Variants in EIF3A observed in about 807,000 individuals in gnomAD.
EIF3A encodes the protein eukaryotic translation initiation factor 3 subunit A, also known as EIF3, p180 subunit.
A neutral mutation model predicts 186.6 loss-of-function variants in EIF3A; 21 were observed. That is an observed-to-expected ratio of 0.11 (90% CI 0.08 to 0.16). The LOEUF (loss-of-function observed/expected upper bound fraction) is 0.16. Among genes scored for constraint, EIF3A ranks in the 10% least tolerant of loss-of-function variants. EIF3A has a pLI of 1.00. For synonymous variants in EIF3A, 563 were observed against 584.3 expected (o/e 0.96, Z 0.52); for missense variants, 1,306 against 1,796.3 (o/e 0.73, Z 4.93).
chr10:119,080,765 C>T lies in EIF3A; in HGVS notation c.-89G>A. 2 of 1,501,262 alleles carry T rather than the reference C, an allele frequency of 1.3e-6. No individual in the cohort carries two copies. Among genetic ancestry groups the T allele is most frequent in the Non-Finnish European group, 1.8e-6 (2 of 1,122,902 alleles). 93.0% of individuals were successfully genotyped at this position (1,501,262 alleles called of 1,614,324 possible). ...AGACGAAGGGGAACCAGCGTAAGGT[C>T]CCACGCGCCTCGCCAGCAGTCGCCC... On this transcript the variant is annotated 5_prime_UTR_variant, in exon 1 of 22. Transcript: ENST00000369144.
chr10:119,065,688 T>C lies in EIF3A; in HGVS notation c.951-118A>G. 2 of 689,698 alleles carry C rather than the reference T, an allele frequency of 2.9e-6. 1 individual carries two copies. Among genetic ancestry groups the C allele is most frequent in the South Asian group, 3.6e-5 (2 of 55,992 alleles). 42.7% of individuals were successfully genotyped at this position (689,698 alleles called of 1,614,324 possible). On this transcript the variant is annotated intron_variant, in intron 6 of 21. Transcript: ENST00000369144. ...TAGTGACAGAACGTGTACATCACCATGGTGCACTATACTCATAAATATTAT... is the reference window on the plus strand; with the variant it reads ...TAGTGACAGAACGTGTACATCACCACGGTGCACTATACTCATAAATATTAT...
rs773381487 is a variant in EIF3A, at chr10:119,051,339, G to A, written c.2197-18C>T. ...GTAGTAATCTGCAAGTACAAATATT[G>A]TGAAATTTCAATGCACTTTTTTTTT... On this transcript the variant is annotated intron_variant, in intron 14 of 21. Transcript: ENST00000369144. 6.4e-7 allele frequency: 1 copy of A among 1,553,522 alleles called. No homozygotes were observed. Among genetic ancestry groups the A allele is most frequent in the Non-Finnish European group, 8.6e-7 (1 of 1,156,138 alleles).
chr10:119,073,144 T>A, intron 3 of EIF3A, 91 bp from the exon 4 acceptor site: 1 of 1,268,230 alleles, frequency 7.9e-7, no homozygotes, highest in Non-Finnish European at 1.1e-6. Context: ...CAGAAAACAG[T>A]GCAAATTCTT....
intron 6 of EIF3A, among the ~76,000 whole-genome samples, chr10:119,066,975 G>A (rs1382958090): frequency 6.6e-6 from 1 of 152,012 alleles, no homozygotes; most frequent in Non-Finnish European, 1.5e-5. Context: ...CACTTTGGGA[G>A]GCCGAGGCAG....
At chr10:119,077,587 C>T (rs1269203223) in intron 1 of EIF3A, among the ~76,000 whole-genome samples, 1 of 149,006 alleles carries the variant, frequency 6.7e-6, no homozygotes, top group East Asian at 2.0e-4. Flanking sequence ...AGGAGTCTCG[C>T]TCTGTCACCC....
At chr10:119,068,783 G>A (rs10886377) in intron 6 of EIF3A, among the ~76,000 whole-genome samples, 3 of 151,620 alleles carry the variant, frequency 2.0e-5, no homozygotes, top group Non-Finnish European at 4.4e-5. Flanking sequence ...GACCAGCCTG[G>A]CCAATATGGT....
At chr10:119,049,021 C>G (rs1308684847) in intron 17 of EIF3A, among the ~76,000 whole-genome samples, 1 of 152,194 alleles carries the variant, frequency 6.6e-6, no homozygotes, top group East Asian at 1.9e-4. Context: ...GTAGCAAACT[C>G]AGCAGTGCTA....
rs1240022205 is a variant in EIF3A, at chr10:119,080,681, G to A, written c.-5C>T. ...CCTCTGAAAATAGGCCGGCATCTTGGCGGCAGGCTCAGCTCACCCGGCGTC... is the reference window on the plus strand; with the variant it reads ...CCTCTGAAAATAGGCCGGCATCTTGACGGCAGGCTCAGCTCACCCGGCGTC... On this transcript the variant is annotated 5_prime_UTR_variant, in exon 1 of 22. Transcript: ENST00000369144. 2 of 1,593,790 alleles carry A rather than the reference G, an allele frequency of 1.3e-6. No individual in the cohort carries two copies. The highest frequency in any genetic ancestry group is 8.5e-7 in the Non-Finnish European group (1 of 1,171,500).
At chr10:119,055,782 T>C (rs1378662451) in intron 14 of EIF3A, among the ~76,000 whole-genome samples, 1 of 152,162 alleles carries the variant, frequency 6.6e-6, no homozygotes, top group African/African-American at 2.4e-5. Context: ...ACAAACACCA[T>C]GGTTTAATTT....
chr10:119,072,427 ATTTTGGTTTT>A, intron 4 of EIF3A, among the ~76,000 whole-genome samples: 1 of 110,554 alleles, frequency 9.0e-6, no homozygotes, highest in Non-Finnish European at 1.9e-5. Context: ...TTACTCAGTC[ATTTTGGTTTT>A]GTTTTGTTTT....
chr10:119,065,920 T>C (rs375092201), intron 6 of EIF3A, among the ~76,000 whole-genome samples: 11 of 151,010 alleles, frequency 7.3e-5, no homozygotes, highest in Non-Finnish European at 1.0e-4. Context: ...ATCGAGACCA[T>C]CCTGGCTAAC....
chr10:119,056,200 T>A (rs560716897), intron 14 of EIF3A, among the ~76,000 whole-genome samples: 18 of 152,300 alleles, frequency 1.2e-4, no homozygotes, highest in Non-Finnish European at 1.8e-4. Context: ...ATTAGGTAAA[T>A]ATAAAATATA....
chr10:119,059,479 G>T, intron 10 of EIF3A, 82 bp from the exon 11 acceptor site: 2 of 1,297,692 alleles, frequency 1.5e-6, no homozygotes, highest in Non-Finnish European at 2.2e-6. Flanking sequence ...ATATACAAAA[G>T]CTGGAAAAGT....
chr10:119,079,122 T>G (rs1844221819), intron 1 of EIF3A, among the ~76,000 whole-genome samples: 2 of 152,226 alleles, frequency 1.3e-5, no homozygotes, highest in Admixed American at 1.3e-4. Context: ...AAGTTCCATT[T>G]CAATCTCTTC....
Position 119,035,049 on chromosome 10 carries a change from G to T in EIF3A, c.*990C>A, listed in dbSNP as rs1337526375. The T allele has an allele frequency of 2.0e-5, 3 of 152,518 alleles. No individual in the cohort carries two copies. The highest frequency in any genetic ancestry group is 4.8e-5 in the African/African-American group (2 of 41,402). The allele number at this position is 152,518 out of a possible 1,614,324, so 9.4% of individuals were successfully genotyped here. On this transcript the variant is annotated 3_prime_UTR_variant, in exon 22 of 22. Transcript: ENST00000369144. The stretch of plus-strand genomic sequence containing the variant: ...ACAAATCAACACTAAAACAAATTCT[G>T]TAAGTATTTTATTTATCACTGAAGA...
rs1848220597 is a variant in EIF3A at position 119,042,351 on chromosome 10, G to C, written c.3169C>G (p.Arg1057Gly). 6.2e-7 allele frequency: 1 copy of C among 1,612,042 alleles called. No individual in the cohort carries two copies. Among genetic ancestry groups the C allele is most frequent in the Admixed American group, 1.7e-5 (1 of 59,796 alleles). Residue 1057 changes from arginine (R) to glycine (G), a missense_variant, in exon 19 of 22, where the codon CGA (arginine) becomes GGA (glycine). Physicochemically the swap from Arg to Gly is moderately radical, Grantham distance 125. Coordinates refer to ENST00000369144, the MANE Select transcript of EIF3A (RefSeq NM_003750.4). This position sits in a 1 kb window ranked among gnomAD's most constrained non-coding sequence, Gnocchi z 7.8. Reference protein sequence around the residue: ...GPRRGGADDERSSWRNADDDR... With the variant: ...GPRRGGADDEGSSWRNADDDR... ...TCATCAGCATTACGCCAGGATGATCGCTCATCATCAGCGCCTCCTCGCCTC... is the reference window on the plus strand; with the variant it reads ...TCATCAGCATTACGCCAGGATGATCCCTCATCATCAGCGCCTCCTCGCCTC...
At position 119,037,312 on chromosome 10, in the gene EIF3A, G is replaced by A; in HGVS notation, c.3729-3C>T. 2 of 1,613,484 alleles carry A rather than the reference G, an allele frequency of 1.2e-6. No individual in the cohort carries two copies. The highest frequency in any genetic ancestry group is 2.2e-5 in the East Asian group (1 of 44,866). On this transcript the variant is annotated splice_polypyrimidine_tract_variant and splice_region_variant and intron_variant, in intron 20 of 21. Transcript: ENST00000369144. ...CTCTTCTCCAGCCACCTTCATCCCT[G>A]TAGCCATTTACAATGACAGGTCAGG... is the stretch of plus-strand genomic sequence containing the variant.
chr10:119,064,705 T>C (rs1843944038), intron 7 of EIF3A, among the ~76,000 whole-genome samples: 1 of 152,104 alleles, frequency 6.6e-6, no homozygotes, highest in African/African-American at 2.4e-5. Flanking sequence ...TGTCAGGTAC[T>C]TCTTTTTTGT....
At chr10:119,072,709 C>G (rs1844098282) in intron 4 of EIF3A, among the ~76,000 whole-genome samples, 181 bp downstream of exon 4, 2 of 152,370 alleles carry the variant, frequency 1.3e-5, no homozygotes, top group Admixed American at 1.3e-4. Context: ...CCCACCTTGA[C>G]CTCCCAAAGT....
Sources: allele counts gnomAD v4.1 joint callset (sites outside exome capture counted in the v4.1 genomes callset), GRCh38; gene constraint gnomAD v4.1.1; non-coding constraint Gnocchi (gnomAD v3.1); transcripts MANE v1.5; gene names NCBI Gene and HGNC (gene_info 2026-07-23, HGNC 2026-07-21).